Variants in P4HA2 observed in about 807,000 individuals in gnomAD.
The protein encoded by P4HA2 is prolyl 4-hydroxylase subunit alpha-2.
Under a neutral mutation model 76.9 loss-of-function variants are expected in P4HA2, and 46 were observed. The observed-to-expected ratio is 0.60, with a 90% CI of 0.47 to 0.76. The LOEUF is 0.76. Ranked by LOEUF, P4HA2 falls within the 30% of genes least tolerant of loss-of-function variation. P4HA2 has a pLI of 0.00. For synonymous variants in P4HA2, 243 were observed against 254.0 expected, an observed-to-expected ratio of 0.96 and a Z score of 0.41; for missense variants, 583 against 669.4, an observed-to-expected ratio of 0.87 and a Z score of 1.42.
intron 8 of P4HA2, among the ~76,000 whole-genome samples, chr5:132,205,598 C>T (rs984802909): frequency 6.6e-6 from 1 of 152,084 alleles, no homozygotes; most frequent in Non-Finnish European, 1.5e-5. Flanking sequence ...GATGGTGGCC[C>T]GGGCCAGGTG....
intron 1 of P4HA2, chr5:132,227,136 C>T (rs201802379): frequency 1.3e-5 from 2 of 152,612 alleles, no homozygotes; most frequent in South Asian, 4.1e-4. Context: ...GCCTGTCCCA[C>T]TGGGTTAGCA....
chr5:132,224,057 C>T (rs971439577), intron 1 of P4HA2, among the ~76,000 whole-genome samples: 7 of 152,176 alleles, frequency 4.6e-5, no homozygotes, highest in Non-Finnish European at 1.0e-4. Flanking sequence ...TGGATCTCAC[C>T]AGAGGGAGGA....
intron 10 of P4HA2, chr5:132,199,378 C>G: frequency 6.0e-6 from 1 of 166,224 alleles, no homozygotes; most frequent in East Asian, 1.8e-4. Context: ...TACTCAGCAC[C>G]TGGCACTGTT....
At chr5:132,225,051 A>G (rs1308915946) in intron 1 of P4HA2, among the ~76,000 whole-genome samples, 3 of 59,094 alleles carry the variant, frequency 5.1e-5, no homozygotes, top group East Asian at 3.4e-4. Flanking sequence ...GCTCTGAGGA[A>G]AAAAAAAAAA....
At chr5:132,209,594 C>A (rs2126588122) in intron 6 of P4HA2, among the ~76,000 whole-genome samples, 1 of 152,076 alleles carries the variant, frequency 6.6e-6, no homozygotes, top group South Asian at 2.1e-4. Flanking sequence ...ACCAGCCTGA[C>A]CAACATGGTA....
At chr5:132,193,924 A>C (rs889190764) in intron 14 of P4HA2, among the ~76,000 whole-genome samples, 1 of 152,236 alleles carries the variant, frequency 6.6e-6, no homozygotes, top group African/African-American at 2.4e-5. Context: ...CGCAAGGCTT[A>C]TAATGATAAA....
chr5:132,215,105 G>A (rs1753650113), intron 4 of P4HA2, among the ~76,000 whole-genome samples: 1 of 152,180 alleles, frequency 6.6e-6, no homozygotes, highest in African/African-American at 2.4e-5. Flanking sequence ...AGCCATAACT[G>A]GGGACAGGGA....
intron 12 of P4HA2, among the ~76,000 whole-genome samples, chr5:132,196,835 T>C (rs543504530): frequency 9.4e-4 from 121 of 128,120 alleles, no homozygotes; most frequent in African/African-American, 3.7e-3. Context: ...CACTCCAGCC[T>C]GGGCAACAGA....
At chr5:132,220,583 A>G (rs1311537658) in intron 1 of P4HA2, among the ~76,000 whole-genome samples, 1 of 152,232 alleles carries the variant, frequency 6.6e-6, no homozygotes, top group East Asian at 1.9e-4. Context: ...AAGTCTGTCC[A>G]TTCCTTTCAA....
At chr5:132,195,813 T>G (rs534610781) in intron 12 of P4HA2, 1 of 380,020 alleles carries the variant, frequency 2.6e-6, no homozygotes, top group East Asian at 5.8e-5. Context: ...CCATCTAGCC[T>G]TGGCCTTGCC....
chr5:132,218,143 T>C (rs962155214), intron 2 of P4HA2, among the ~76,000 whole-genome samples: 2 of 152,188 alleles, frequency 1.3e-5, no homozygotes, highest in African/African-American at 4.8e-5. Context: ...TAGCTGGTCA[T>C]GACACTGGGG....
intron 1 of P4HA2, among the ~76,000 whole-genome samples, chr5:132,223,074 C>A (rs1754855714): frequency 6.6e-6 from 1 of 152,246 alleles, no homozygotes; most frequent in East Asian, 1.9e-4. Flanking sequence ...TTTGCCTCAG[C>A]CCAGTGGAGG....
At chr5:132,204,000 C>G (rs1199854932) in intron 9 of P4HA2, 82 bp downstream of exon 9, 1 of 1,284,250 alleles carries the variant, frequency 7.8e-7, no homozygotes, top group Non-Finnish European at 1.1e-6. Context: ...CAGGAAAAGG[C>G]AAGCCACCCA....
In P4HA2 at chr5:132,213,901, G is replaced by A; in HGVS notation, c.469+15C>T. Reference sequence around the variant, plus strand: ...GACACATGCGGGACAGGCAACGCCTGGAGTGGTGAGTTACCTGGAAGTTCC... The same window carrying A: ...GACACATGCGGGACAGGCAACGCCTAGAGTGGTGAGTTACCTGGAAGTTCC... On this transcript the variant is annotated intron_variant, in intron 5 of 14. Transcript: ENST00000360568. 1 of 1,613,472 alleles carries A rather than the reference G, an allele frequency of 6.2e-7. No homozygotes were observed. Among genetic ancestry groups the A allele is most frequent in the Non-Finnish European group, 8.5e-7 (1 of 1,179,502 alleles).
intron 10 of P4HA2, chr5:132,201,501 T>G (rs1057383954): frequency 6.6e-6 from 1 of 152,214 alleles, no homozygotes; most frequent in Non-Finnish European, 1.5e-5. Flanking sequence ...CACTTAGGGA[T>G]ACATGCTGAA....
At chr5:132,220,257 C>T (rs891687169) in intron 1 of P4HA2, among the ~76,000 whole-genome samples, 1 of 152,248 alleles carries the variant, frequency 6.6e-6, no homozygotes, top group Non-Finnish European at 1.5e-5. Context: ...AGGCTTCTCT[C>T]TTGCTTACAC....
At chr5:132,203,506 C>T in intron 10 of P4HA2, 2 of 516,430 alleles carry the variant, frequency 3.9e-6, no homozygotes, top group Admixed American at 6.3e-5. Context: ...TACCCCTGAT[C>T]CCTAGCTTGC....
intron 13 of P4HA2, 190 bp from the exon 14 acceptor site, chr5:132,195,212 G>A (rs1750455168): frequency 4.7e-6 from 3 of 636,018 alleles, no homozygotes; most frequent in Non-Finnish European, 8.4e-6. Context: ...GTAGAAGTCT[G>A]GGAACTCACC....
At chr5:132,213,799 A>AAGAGGTGCACC in intron 5 of P4HA2, 117 bp downstream of exon 5, 1 of 904,012 alleles carries the variant, frequency 1.1e-6, no homozygotes, top group Admixed American at 2.2e-5. Flanking sequence ...CTGGTGAGCC[A>AAGAGGTGCACC]AGAGGTGCAC....
Sources: gnomAD v4.1 joint callset for allele counts (sites outside exome capture counted in the v4.1 genomes callset) on GRCh38, gnomAD v4.1.1 for gene constraint, MANE v1.5 for transcripts, NCBI Gene and HGNC (gene_info 2026-07-23, HGNC 2026-07-21) for gene names.